Variants in MUC13 observed in about 807,000 individuals in gnomAD.
MUC13 encodes mucin-13.
In MUC13, 32 loss-of-function variants were observed where a neutral mutation model predicts 48.3. The ratio of observed to expected loss-of-function variants is 0.66; its 90% CI spans 0.50 to 0.89. The LOEUF is 0.89. Among genes scored for constraint, MUC13 ranks in the 40% least tolerant of loss-of-function variants. The probability of loss-of-function intolerance (pLI) is 0.00; values close to 1 mark genes in which losing one functional copy is unlikely to be tolerated. For missense variants in MUC13, 571 were observed against 622.8 expected, an observed-to-expected ratio of 0.92 and a Z score of 0.88; for synonymous variants, 199 against 224.9, an observed-to-expected ratio of 0.88 and a Z score of 1.03.
chr3:124,912,007 G>C lies in MUC13; in HGVS notation c.1252+97C>G. The C allele has an allele frequency of 2.7e-6, 4 of 1,497,120 alleles. No individual in the cohort carries two copies. In the East Asian group the frequency reaches 9.6e-5, roughly 36 times the overall value. 92.7% of individuals were successfully genotyped at this position (1,497,120 alleles called of 1,614,324 possible). A position where few individuals can be genotyped will look rare whatever the true frequency, so the allele number is the denominator to read the frequency against. ...GTCTCTCTCTTTATGAAAGAGGACA[G>C]AGACTTTGAAGGACTGGGCAGGATG... is the stretch of plus-strand genomic sequence containing the variant. On this transcript the variant is annotated intron_variant, in intron 9 of 11. Coordinates refer to ENST00000616727, the MANE Select transcript of MUC13 (RefSeq NM_033049.4).
rs1334075124 is a variant in MUC13, at chr3:124,913,546, C to T, written c.1084+16G>A. 5.0e-6 allele frequency: 8 copies of T among 1,613,656 alleles called. No individual in the cohort carries two copies. Among genetic ancestry groups the T allele is most frequent in the Non-Finnish European group, 5.9e-6 (7 of 1,179,876 alleles). ...TGATGTTATGAAGAACATTTAGAAG[C>T]AGGTGAAACACTTACCAACGCAGAA... On this transcript the variant is annotated intron_variant, in intron 7 of 11. Transcript: ENST00000616727.
At chr3:124,908,428 A>G in intron 10 of MUC13, 80 bp from the exon 11 acceptor site, 1 of 1,124,726 alleles carries the variant, frequency 8.9e-7, no homozygotes. Context: ...TTTTAAAAAT[A>G]TTTTTAAATT....
At chr3:124,915,698 A>G (rs1935500996) in intron 6 of MUC13, among the ~76,000 whole-genome samples, 2 of 152,194 alleles carry the variant, frequency 1.3e-5, no homozygotes, top group Admixed American at 1.3e-4. Flanking sequence ...GGAAAATAGT[A>G]CGGGTAATGC....
chr3:124,912,539 G>C (rs1282742077), intron 8 of MUC13, among the ~76,000 whole-genome samples: 2 of 152,198 alleles, frequency 1.3e-5, no homozygotes, highest in Admixed American at 6.5e-5. Flanking sequence ...TTTACAATCA[G>C]TTTCAGTTTC....
chr3:124,921,945 C>T (rs1431751677), intron 4 of MUC13, among the ~76,000 whole-genome samples: 2 of 152,220 alleles, frequency 1.3e-5, no homozygotes, highest in Non-Finnish European at 2.9e-5. Context: ...GGCCAGGTGC[C>T]ACGCCTCCAG....
intron 1 of MUC13, among the ~76,000 whole-genome samples, chr3:124,929,170 C>CTTTTTTTTTTTTT: frequency 2.2e-5 from 3 of 134,400 alleles, no homozygotes; most frequent in South Asian, 2.5e-4. Flanking sequence ...TTCCCCCACT[C>CTTTTTTTTTTTTT]TTTTATTTTA....
In MUC13 at chr3:124,912,095, C is replaced by G; in HGVS notation, c.1252+9G>C. On this transcript the variant is annotated intron_variant, in intron 9 of 11. Coordinates refer to ENST00000616727, the MANE Select transcript of MUC13 (RefSeq NM_033049.4). The stretch of plus-strand genomic sequence containing the variant: ...AACTTGTTTATAATAGCAAGACTTT[C>G]ATACTCACTGTCCTTACAGTCGAGT... 6.2e-7 allele frequency: 1 copy of G among 1,612,124 alleles called. No individual in the cohort carries two copies. The highest frequency in any genetic ancestry group is 8.5e-7 in the Non-Finnish European group (1 of 1,179,186).
chr3:124,916,337 C>T lies in MUC13; in HGVS notation c.944G>A (p.Ser315Asn). 1 of 1,611,766 alleles carries T rather than the reference C, an allele frequency of 6.2e-7. No homozygotes were observed. The highest frequency in any genetic ancestry group is 1.1e-5 in the South Asian group (1 of 90,666). The change falls in exon 6 of 12, where the codon AGC (serine) becomes AAC (asparagine). Residue 315 changes from serine to asparagine, a missense_variant. Physicochemically the swap from Ser to Asn is conservative, Grantham distance 46. Transcript: ENST00000616727. ...KINKAIRSSS[S>N]NFLNYDLTLR... ...CTTACAATCATAGTTTAGAAAGTTG[C>T]TTGAGCTACTTCTAATTGCTTTATT...
chr3:124,911,233 C>T (rs1215763765), intron 9 of MUC13, among the ~76,000 whole-genome samples: 1 of 152,152 alleles, frequency 6.6e-6, no homozygotes, highest in Non-Finnish European at 1.5e-5. Flanking sequence ...AAATGTGTAG[C>T]TCACATAATA....
At chr3:124,908,828 T>G (rs1935368614) in intron 10 of MUC13, among the ~76,000 whole-genome samples, 1 of 152,048 alleles carries the variant, frequency 6.6e-6, no homozygotes, top group South Asian at 2.1e-4. Flanking sequence ...AAGAATCACG[T>G]TGGTGGGTAA....
At chr3:124,913,814 C>G in intron 6 of MUC13, 133 bp from the exon 7 acceptor site, 1 of 923,922 alleles carries the variant, frequency 1.1e-6, no homozygotes, top group Non-Finnish European at 1.7e-6. Context: ...CAGTGGCTCA[C>G]AACTGTAATC....
intron 2 of MUC13, 69 bp downstream of exon 2, chr3:124,927,463 A>T: frequency 1.3e-6 from 2 of 1,482,074 alleles, no homozygotes; most frequent in South Asian, 2.5e-5. Flanking sequence ...CCACCAGAAC[A>T]TACCCACCTC....
At chr3:124,915,918 T>C (rs931458894) in intron 6 of MUC13, among the ~76,000 whole-genome samples, 1 of 152,148 alleles carries the variant, frequency 6.6e-6, no homozygotes, top group Non-Finnish European at 1.5e-5. Context: ...GCTCAAGGAA[T>C]CCGCCCATCT....
Position 124,913,148 on chromosome 3 carries a change from G to A in MUC13, c.1177C>T (p.Pro393Ser), listed in dbSNP as rs1434435934. The A allele has an allele frequency of 3.1e-6, 5 of 1,613,856 alleles. No individual in the cohort carries two copies. The highest frequency in any genetic ancestry group is 4.2e-6 in the Non-Finnish European group (5 of 1,179,890). ...SGGAPECACV[P>S]GYQEDANGNC... ...CCATTAGCATCTTCCTGGTAGCCGG[G>A]CACGCACGCACACTCAGGGGCCCCA... The change falls in exon 8 of 12, where the codon CCC (proline) becomes TCC (serine). Residue 393 changes from proline (P) to serine (S), a missense_variant. Coordinates refer to ENST00000616727, the MANE Select transcript of MUC13 (RefSeq NM_033049.4).
In MUC13 at chr3:124,923,591, C is replaced by G; in HGVS notation, c.573G>C (p.Leu191=). The change falls in exon 3 of 12, where the codon CTG becomes CTC. Residue 191 remains leucine (L), a synonymous_variant. Coordinates refer to ENST00000616727, the MANE Select transcript of MUC13 (RefSeq NM_033049.4). ...AACACAGGCAAAAACTTGTATTATGCAGCTTAACACATAACGAATTATCTG... is the reference window on the plus strand; with the variant it reads ...AACACAGGCAAAAACTTGTATTATGGAGCTTAACACATAACGAATTATCTG... ...PCADNSLCVK[L]HNTSFCLCLE... 6.2e-7 allele frequency: 1 copy of G among 1,613,856 alleles called. No individual in the cohort carries two copies. The highest frequency in any genetic ancestry group is 8.5e-7 in the Non-Finnish European group (1 of 1,179,836).
In MUC13 at chr3:124,908,163, G is replaced by T. The variant is rs145995919; in HGVS notation, c.1523C>A (p.Pro508His). ...CTGACTCACCTAATAGTCAGGGCGG[G>T]GCATGCTGCTGTGTCTTGAATAGGG... ...QNPYSRHSSMPRPDY is the reference protein window; with the variant it reads ...QNPYSRHSSMHRPDY The change falls in exon 11 of 12, where the codon CCC becomes CAC. Residue 508 changes from proline to histidine, a missense_variant. Coordinates refer to ENST00000616727, the MANE Select transcript of MUC13 (RefSeq NM_033049.4). 5 of 1,614,022 alleles carry T rather than the reference G, an allele frequency of 3.1e-6. No individual in the cohort carries two copies. The African/African-American group carries it at 6.7e-5, about 22-fold the overall frequency.
chr3:124,922,156 C>A, intron 4 of MUC13, 41 bp downstream of exon 4: 2 of 1,609,188 alleles, frequency 1.2e-6, no homozygotes, highest in South Asian at 1.1e-5. Flanking sequence ...AGTGTTAGAA[C>A]AAAGAATGCT....
intron 2 of MUC13, 59 bp from the exon 3 acceptor site, chr3:124,923,708 A>G: frequency 6.3e-7 from 1 of 1,576,958 alleles, no homozygotes. Flanking sequence ...TAACAACTGG[A>G]AACGTATTTT....
chr3:124,931,619 G>A (rs1935799834), intron 1 of MUC13, among the ~76,000 whole-genome samples: 1 of 151,742 alleles, frequency 6.6e-6, no homozygotes, highest in South Asian at 2.1e-4. Flanking sequence ...GTGGTGGCAG[G>A]CACCTATAAT....
Sources: gnomAD v4.1 joint callset for allele counts (sites outside exome capture counted in the v4.1 genomes callset) on GRCh38, gnomAD v4.1.1 for gene constraint, MANE v1.5 for transcripts, NCBI Gene and HGNC (gene_info 2026-07-23, HGNC 2026-07-21) for gene names.